NIPA1: variants seen among roughly 807,000 people sequenced by gnomAD.
NIPA1 encodes the protein magnesium transporter NIPA1.
A neutral mutation model predicts 23.9 loss-of-function variants in NIPA1; 13 were observed. The observed-to-expected ratio is 0.54, with a 90% confidence interval of 0.35 to 0.87. The LOEUF (loss-of-function observed/expected upper bound fraction) is 0.87, where lower values mean the gene tolerates loss of function less well. Among genes scored for constraint, NIPA1 ranks in the 40% least tolerant of loss-of-function variants. NIPA1 has a pLI of 0.01. For synonymous variants in NIPA1, 234 were observed against 202.9 expected, an observed-to-expected ratio of 1.15 and a Z score of -1.30; for missense variants, 362 against 429.7, an observed-to-expected ratio of 0.84 and a Z score of 1.39.
At chr15:22,802,056 G>C (rs550724093) in intron 1 of NIPA1, among the ~76,000 whole-genome samples, 2 of 152,158 alleles carry the variant, frequency 1.3e-5, no homozygotes, top group South Asian at 4.2e-4. Flanking sequence ...TTGTATTAGG[G>C]TCAGCATTGT....
chr15:22,797,125 C>T (rs1389434810), intron 1 of NIPA1, among the ~76,000 whole-genome samples: 2 of 150,646 alleles, frequency 1.3e-5, no homozygotes, highest in Non-Finnish European at 3.0e-5. Context: ...CTGCAACTTC[C>T]GCCTCCCAGG....
intron 1 of NIPA1, among the ~76,000 whole-genome samples, chr15:22,792,071 A>C (rs1041990162): frequency 9.2e-5 from 14 of 152,220 alleles, no homozygotes; most frequent in Non-Finnish European, 1.9e-4. Flanking sequence ...GGAAGCAGGC[A>C]GGGAGGCAGG....
chr15:22,805,684 T>C (rs1895191932), intron 1 of NIPA1, among the ~76,000 whole-genome samples: 2 of 151,932 alleles, frequency 1.3e-5, no homozygotes, highest in South Asian at 2.1e-4. Flanking sequence ...AGACTCTGTC[T>C]CAAAAAGAAA....
chr15:22,794,198 A>G (rs1894895895), intron 1 of NIPA1, among the ~76,000 whole-genome samples: 2 of 152,084 alleles, frequency 1.3e-5, no homozygotes, highest in South Asian at 4.1e-4. Flanking sequence ...AGCAAAAGTC[A>G]GTTCTCACAC....
intron 1 of NIPA1, among the ~76,000 whole-genome samples, chr15:22,806,511 A>C (rs1195821729): frequency 1.3e-5 from 2 of 152,188 alleles, no homozygotes; most frequent in Admixed American, 1.3e-4. Context: ...GTGGCAAGAC[A>C]AACAGCATCC....
chr15:22,803,606 T>A (rs1895135212), intron 1 of NIPA1, among the ~76,000 whole-genome samples: 1 of 147,302 alleles, frequency 6.8e-6, no homozygotes, highest in African/African-American at 2.5e-5. Context: ...CCCCCCTGGT[T>A]CAAGTGATTC....
intron 3 of NIPA1, among the ~76,000 whole-genome samples, chr15:22,814,829 A>T (rs1363791130): frequency 6.6e-6 from 1 of 152,216 alleles, no homozygotes; most frequent in Admixed American, 6.5e-5. Flanking sequence ...CCTGCTGCTA[A>T]CATCTTACCC....
intron 1 of NIPA1, among the ~76,000 whole-genome samples, chr15:22,792,207 G>A (rs777143326): frequency 2.0e-5 from 3 of 152,206 alleles, no homozygotes; most frequent in Non-Finnish European, 4.4e-5. Flanking sequence ...CTCAGCAGGT[G>A]CAGCAGAGGC....
At chr15:22,805,850 TAGA>T (rs1222505419) in intron 1 of NIPA1, among the ~76,000 whole-genome samples, 1 of 152,294 alleles carries the variant, frequency 6.6e-6, no homozygotes, top group African/African-American at 2.4e-5. Context: ...GTGGAATAAT[TAGA>T]AGGTAAATAC....
intron 1 of NIPA1, among the ~76,000 whole-genome samples, chr15:22,808,894 T>A (rs1319383411): frequency 1.3e-5 from 2 of 152,014 alleles, no homozygotes; most frequent in African/African-American, 4.8e-5. Flanking sequence ...GACCTTGAAC[T>A]CCTAGGCTCA....
At chr15:22,820,980 C>CCT (rs1895526121) in intron 4 of NIPA1, among the ~76,000 whole-genome samples, 1 of 140,426 alleles carries the variant, frequency 7.1e-6, no homozygotes, top group African/African-American at 2.6e-5. Context: ...CTTTTCTTTT[C>CCT]TTTTTTTTTT....
At chr15:22,797,240 C>T (rs372786953) in intron 1 of NIPA1, among the ~76,000 whole-genome samples, 13 of 151,224 alleles carry the variant, frequency 8.6e-5, no homozygotes, top group African/African-American at 2.9e-4. Context: ...GACGGAGTCT[C>T]GCTCTGTTGC....
At chr15:22,786,585 C>G (rs1432930989), upstream of NIPA1, 1 of 543,858 alleles carries the variant, frequency 1.8e-6, no homozygotes, top group Non-Finnish European at 2.4e-6. Context: ...GCCCGCGCCT[C>G]CCGGTCACCC....
chr15:22,797,968 C>T (rs1193398633), intron 1 of NIPA1, among the ~76,000 whole-genome samples: 1 of 151,718 alleles, frequency 6.6e-6, no homozygotes, highest in Non-Finnish European at 1.5e-5. Flanking sequence ...CCTCAGCCTC[C>T]CCAGCAGCTG....
rs1205624676 is a variant in NIPA1, at chr15:22,814,288, C to T, written c.317+2035C>T. ...TGTTTTTTTTTTTGAGACGGAGTCT[C>T]GCTCTGTCGCCCAGGCTGGAGTGCA... On this transcript the variant is annotated intron_variant, in intron 3 of 4. Transcript: ENST00000337435. 26 of 270,280 alleles carry T rather than the reference C, an allele frequency of 9.6e-5. No homozygotes were observed. The East Asian group carries it at 1.4e-3, about 14-fold the overall frequency. 16.7% of individuals were successfully genotyped at this position (270,280 alleles called of 1,614,324 possible). A position where few individuals can be genotyped will look rare whatever the true frequency, so the allele number is the denominator to read the frequency against.
intron 1 of NIPA1, among the ~76,000 whole-genome samples, chr15:22,807,242 CAT>C (rs1302885456): frequency 1.3e-5 from 2 of 152,142 alleles, no homozygotes; most frequent in Admixed American, 1.3e-4. Flanking sequence ...CTGCCAAAAA[CAT>C]ATACTATGTG....
At chr15:22,821,591 G>T (rs910215397) in intron 4 of NIPA1, among the ~76,000 whole-genome samples, 20 of 149,614 alleles carry the variant, frequency 1.3e-4, no homozygotes, top group African/African-American at 4.7e-4. Context: ...ACACTCACTG[G>T]TTTTCTTGTC....
rs1895608982 is a variant in NIPA1 at position 22,824,437 on chromosome 15, C to T, written c.*198C>T. 2 of 598,454 alleles carry T rather than the reference C, an allele frequency of 3.3e-6. No homozygotes were observed. Among genetic ancestry groups the T allele is most frequent in the Admixed American group, 2.8e-5 (1 of 35,114 alleles). The allele number at this position is 598,454 out of a possible 1,614,324, so 37.1% of individuals were successfully genotyped here. On this transcript the variant is annotated 3_prime_UTR_variant, in exon 5 of 5. Transcript: ENST00000337435. The surrounding 1 kb of genome is among the most constrained non-coding windows in gnomAD (Gnocchi z 4.1). ...CCAGCCCTCTGCAGCCCAAACGTCC[C>T]CAACGGTTGCCTGGCACCATCTCTC...
intron 1 of NIPA1, among the ~76,000 whole-genome samples, chr15:22,793,088 G>T (rs184053957): frequency 6.6e-6 from 1 of 151,848 alleles, no homozygotes; most frequent in East Asian, 2.0e-4. Context: ...GGTGGCTCAT[G>T]CCTATAATCA....
Sources: allele counts gnomAD v4.1 joint callset (sites outside exome capture counted in the v4.1 genomes callset), GRCh38; gene constraint gnomAD v4.1.1; non-coding constraint Gnocchi (gnomAD v3.1); transcripts MANE v1.5; gene names NCBI Gene and HGNC (gene_info 2026-07-23, HGNC 2026-07-21).